Variants in PIK3C2G observed in about 807,000 individuals in gnomAD.
PIK3C2G encodes phosphatidylinositol 3-kinase C2 domain-containing subunit gamma.
In PIK3C2G, 168 loss-of-function variants were observed where a neutral mutation model predicts 181.1. The observed-to-expected ratio is 0.93, with a 90% CI of 0.82 to 1.05. The LOEUF is 1.05. Ranked by LOEUF, PIK3C2G falls within the 50% of genes least tolerant of loss-of-function variation. The pLI is 0.00. For missense variants in PIK3C2G, 1,869 were observed against 1,732.8 expected (o/e 1.08, Z -1.40); for synonymous variants, 573 against 592.2 (o/e 0.97, Z 0.47).
chr12:18,399,194 C>CAAAAAAAAAAAAAAA (rs536592064), intron 15 of PIK3C2G, among the ~76,000 whole-genome samples: 1,155 of 77,496 alleles, frequency 0.015, 3 homozygotes, highest in Non-Finnish European at 0.024. Flanking sequence ...GACTCCGTCT[C>CAAAAAAAAAAAAAAA]AAAAAAAAAA....
chr12:18,629,481 AT>A (rs1949252280), intron 31 of PIK3C2G, among the ~76,000 whole-genome samples: 2 of 152,144 alleles, frequency 1.3e-5, no homozygotes. Flanking sequence ...AAGGAACACA[AT>A]TAGAGATGAA....
At chr12:18,526,794 A>G (rs1299000947) in intron 24 of PIK3C2G, among the ~76,000 whole-genome samples, 1 of 152,110 alleles carries the variant, frequency 6.6e-6, no homozygotes, top group Non-Finnish European at 1.5e-5. Flanking sequence ...ACTCACACGG[A>G]CCATTTCAAG....
chr12:18,321,074 A>C (rs1305406022), intron 7 of PIK3C2G, 42 bp downstream of exon 7: 1 of 1,019,500 alleles, frequency 9.8e-7, no homozygotes, highest in African/African-American at 1.6e-5. Flanking sequence ...TTTCTGATTG[A>C]GTTCTCAAAT....
In PIK3C2G at chr12:18,322,169, G is replaced by C. The variant is rs144659128; in HGVS notation, c.1208+1137G>C. Among the ~76,000 whole-genome samples the C allele has an allele frequency of 7.0e-3, 1,066 of 152,228 alleles. 13 individuals carry two copies. Among genetic ancestry groups the C allele is most frequent in the African/African-American group, 0.025 (1,028 of 41,530 alleles). On this transcript the variant is annotated intron_variant, in intron 7 of 32. Transcript: ENST00000538779. ...GGAGGCCTAGGCGGGCGGATCACAAGGTCAGGAGTTCAAGACCAGCCTGGC... is the reference window on the plus strand; with the variant it reads ...GGAGGCCTAGGCGGGCGGATCACAACGTCAGGAGTTCAAGACCAGCCTGGC...
intron 23 of PIK3C2G, among the ~76,000 whole-genome samples, chr12:18,504,520 C>G (rs149491959): frequency 2.5e-3 from 373 of 152,244 alleles, no homozygotes; most frequent in Admixed American, 7.3e-3. Context: ...TAGCATGTAG[C>G]CTGGTGACCT....
intron 29 of PIK3C2G, among the ~76,000 whole-genome samples, chr12:18,582,609 G>A (rs1057297064): frequency 1.3e-5 from 2 of 152,178 alleles, no homozygotes; most frequent in African/African-American, 4.8e-5. Context: ...CAGCAATGGT[G>A]TGCAGGCTCC....
At chr12:18,537,837 A>G (rs1354245424) in intron 24 of PIK3C2G, among the ~76,000 whole-genome samples, 1 of 152,034 alleles carries the variant, frequency 6.6e-6, no homozygotes, top group Non-Finnish European at 1.5e-5. Context: ...CTCTATAAAT[A>G]TCAGCTTCAC....
intron 5 of PIK3C2G, among the ~76,000 whole-genome samples, chr12:18,301,841 A>G (rs1215555140): frequency 6.6e-6 from 1 of 151,986 alleles, no homozygotes; most frequent in Non-Finnish European, 1.5e-5. Context: ...ACTTCTTCCA[A>G]TTTTTTTGGA....
At chr12:18,554,614 G>T (rs1944904563) in intron 26 of PIK3C2G, among the ~76,000 whole-genome samples, 1 of 152,060 alleles carries the variant, frequency 6.6e-6, no homozygotes, top group African/African-American at 2.4e-5. Context: ...AGCAATGATT[G>T]TCACTGAGCT....
Position 18,505,361 on chromosome 12 carries a change from C to T in PIK3C2G, c.3223C>T (p.Arg1075Cys), listed in dbSNP as rs577345777. 5.0e-6 allele frequency: 8 copies of T among 1,612,842 alleles called. No homozygotes were observed. Among genetic ancestry groups the T allele is most frequent in the African/African-American group, 2.7e-5 (2 of 74,946 alleles). Residue 1075 changes from arginine (R) to cysteine (C), a missense_variant, in exon 24 of 33, where the codon CGT (arginine) becomes TGT (cysteine). By Grantham distance (180) the Arg-to-Cys change is radical. Transcript: ENST00000538779. The part of the protein sequence containing the change: ...VVTFILGVCD[R>C]HNDNIMLTKS... ...AACATTCATCCTGGGAGTATGTGAC[C>T]GTCACAATGATAATATCATGCTGAC...
intron 13 of PIK3C2G, among the ~76,000 whole-genome samples, chr12:18,378,893 G>A (rs755533500): frequency 1.4e-4 from 21 of 152,284 alleles, no homozygotes; most frequent in Non-Finnish European, 2.9e-4. Flanking sequence ...TGGAGAAATA[G>A]GAACACTTTT....
the PIK3C2G span, among the ~76,000 whole-genome samples, chr12:18,712,613 G>A: frequency 1.3e-5 from 2 of 151,854 alleles, no homozygotes; most frequent in Admixed American, 6.6e-5. Flanking sequence ...ACACACACAC[G>A]AGTAAACAAA....
chr12:18,723,223 A>C, the PIK3C2G span: 1 of 1,205,694 alleles, frequency 8.3e-7, no homozygotes, highest in East Asian at 2.6e-5. Context: ...ACAATTCATA[A>C]AAATACTTTG....
At chr12:18,282,836 T>C (rs1461902205) in intron 2 of PIK3C2G, 77 bp downstream of exon 2, 2 of 1,011,746 alleles carry the variant, frequency 2.0e-6, no homozygotes, top group Non-Finnish European at 1.4e-6. Context: ...AATTTGGTAA[T>C]GAAGATAACT....
chr12:18,541,326 A>G (rs1386926956), intron 25 of PIK3C2G, among the ~76,000 whole-genome samples: 1 of 151,932 alleles, frequency 6.6e-6, no homozygotes, highest in African/African-American at 2.4e-5. Flanking sequence ...GTAAAAAGTA[A>G]TCCATGAAAT....
chr12:18,567,925 T>C (rs1945723586), intron 29 of PIK3C2G, among the ~76,000 whole-genome samples: 2 of 152,254 alleles, frequency 1.3e-5, no homozygotes, highest in Non-Finnish European at 2.9e-5. Context: ...CTTTTCAATT[T>C]CTAGAGGCTG....
At chr12:18,300,515 A>G (rs4495940) in intron 5 of PIK3C2G, among the ~76,000 whole-genome samples, 130,599 of 151,944 alleles carry the variant, frequency 0.86, 56,204 homozygotes, top group East Asian at 0.94. Context: ...TGTCTTTATA[A>G]GTGACATTTC....
chr12:18,308,914 T>C (rs1950530539), intron 5 of PIK3C2G, among the ~76,000 whole-genome samples: 1 of 151,756 alleles, frequency 6.6e-6, no homozygotes, highest in Non-Finnish European at 1.5e-5. Context: ...CTTTTAAATG[T>C]CTGGTTTAAT....
rs542286906 is a variant in PIK3C2G, at chr12:18,399,366, C to T, written c.2127-293C>T. Among the ~76,000 whole-genome samples, 21 of 148,140 alleles carry T rather than the reference C, an allele frequency of 1.4e-4. No homozygotes were observed. The East Asian group carries it at 4.0e-3, about 28-fold the overall frequency. On this transcript the variant is annotated intron_variant, in intron 15 of 32. Transcript: ENST00000538779. ...CCCTAGAGGAGAGAGATTTTGCCAACCAAAATGACATATTAAAAAAAAAAA... is the reference window on the plus strand; with the variant it reads ...CCCTAGAGGAGAGAGATTTTGCCAATCAAAATGACATATTAAAAAAAAAAA...
Sources: allele counts gnomAD v4.1 joint callset (sites outside exome capture counted in the v4.1 genomes callset), GRCh38; gene constraint gnomAD v4.1.1; transcripts MANE v1.5; gene names NCBI Gene and HGNC (gene_info 2026-07-23, HGNC 2026-07-21).